The following CAPZB variants were observed in gnomAD, a reference collection of about 807,000 sequenced individuals.
The protein encoded by CAPZB is capping actin protein of muscle Z-line subunit beta, also known as F-actin-capping protein subunit beta.
In CAPZB, 2 loss-of-function variants were observed where a neutral mutation model predicts 38.1. The observed-to-expected ratio is 0.05, with a 90% CI of 0.02 to 0.17. CAPZB has a LOEUF of 0.17. Among genes scored for constraint, CAPZB ranks in the 10% least tolerant of loss-of-function variants. CAPZB has a pLI of 1.00. For synonymous variants in CAPZB, 107 were observed against 127.4 expected, an observed-to-expected ratio of 0.84 and a Z score of 1.08; for missense variants, 161 against 334.2, an observed-to-expected ratio of 0.48 and a Z score of 4.04.
chr1:19,383,116 C>CAAAAAA (rs34245294), intron 3 of CAPZB, among the ~76,000 whole-genome samples: 1 of 128,260 alleles, frequency 7.8e-6, no homozygotes, highest in Admixed American at 7.9e-5. Flanking sequence ...CCCATCTCTA[C>CAAAAAA]AAAAAAAAAA....
rs533972191 is a variant in CAPZB, at chr1:19,389,737, T to C, written c.94-4111A>G. 9.2e-5 allele frequency among the ~76,000 whole-genome samples: 14 copies of C among 152,304 alleles called. No individual in the cohort carries two copies. The South Asian group carries it at 2.7e-3, about 29-fold the overall frequency. On this transcript the variant is annotated intron_variant, in intron 2 of 8. Coordinates refer to ENST00000264202, the MANE Select transcript of CAPZB (RefSeq NM_004930.5). ...CACTGCGCCTGGCCAGGCCATGTATTTTTATTTGCTAAATCTGACAGCCAA... is the reference window on the plus strand; with the variant it reads ...CACTGCGCCTGGCCAGGCCATGTATCTTTATTTGCTAAATCTGACAGCCAA...
intron 1 of CAPZB, among the ~76,000 whole-genome samples, chr1:19,458,132 AGTG>A (rs2094539029): frequency 6.6e-6 from 1 of 150,880 alleles, no homozygotes. Flanking sequence ...AACTGGTGCA[AGTG>A]ACTTTTTTCC....
chr1:19,482,572 G>A (rs6703356), intron 1 of CAPZB, among the ~76,000 whole-genome samples: 58,213 of 152,112 alleles, frequency 0.38, 11,411 homozygotes, highest in Middle Eastern at 0.48. Context: ...ACAGCACTCA[G>A]ACAGTGGTAA....
At chr1:19,342,756 A>G in intron 8 of CAPZB, 1 of 1,603,974 alleles carries the variant, frequency 6.2e-7, no homozygotes, top group Non-Finnish European at 8.5e-7. Context: ...GGGTACCTGG[A>G]TCGGCTTAAT....
In CAPZB at chr1:19,356,861, C is replaced by T. The variant is rs1268554454; in HGVS notation, c.472-110G>A. On this transcript the variant is annotated intron_variant, in intron 5 of 8. Transcript: ENST00000264202. The surrounding 1 kb of genome is among the most constrained non-coding windows in gnomAD (Gnocchi z 4.3). ...TCCTAGGTCATTATCACAATATTAC[C>T]TTTTTTTTTTTTAAATTGGAGACAA... is the stretch of plus-strand genomic sequence containing the variant. 4 of 589,280 alleles carry T rather than the reference C, an allele frequency of 6.8e-6. No homozygotes were observed. The highest frequency in any genetic ancestry group is 3.1e-5 in the East Asian group (1 of 32,416). The allele number at this position is 589,280 out of a possible 1,614,324, so 36.5% of individuals were successfully genotyped here.
chr1:19,480,536 A>T (rs2094624466), intron 1 of CAPZB, among the ~76,000 whole-genome samples: 1 of 152,154 alleles, frequency 6.6e-6, no homozygotes, highest in Admixed American at 6.5e-5. Context: ...CGGCCAGTGC[A>T]AGGTGTGGGG....
At position 19,479,959 on chromosome 1, in the gene CAPZB, C is replaced by G. The variant is rs181586245; in HGVS notation, c.3+5477G>C. ...TTGTGCCAGTCCCCTTGACCATACC[C>G]CACCCTGTCCTCTCTGCCTGAGCAC... is the stretch of plus-strand genomic sequence containing the variant. On this transcript the variant is annotated intron_variant, in intron 1 of 8. Transcript: ENST00000264202. 2.4e-4 allele frequency among the ~76,000 whole-genome samples: 36 copies of G among 152,264 alleles called. No homozygotes were observed. In the East Asian group the frequency reaches 7.0e-3, roughly 29 times the overall value.
At chr1:19,468,930 C>T (rs996849297) in intron 1 of CAPZB, among the ~76,000 whole-genome samples, 49 of 152,320 alleles carry the variant, frequency 3.2e-4, no homozygotes, top group African/African-American at 1.0e-3. Flanking sequence ...CTTCAATGTA[C>T]GGCTGCACTC....
chr1:19,446,286 A>G (rs767474412), intron 1 of CAPZB, among the ~76,000 whole-genome samples: 50 of 151,832 alleles, frequency 3.3e-4, no homozygotes, highest in Non-Finnish European at 5.3e-4. Context: ...TTCAACAGAA[A>G]CTTGAAAACC....
chr1:19,381,024 C>G (rs2094171573), intron 3 of CAPZB, among the ~76,000 whole-genome samples: 1 of 152,040 alleles, frequency 6.6e-6, no homozygotes, highest in Admixed American at 6.6e-5. Flanking sequence ...AAAAAATTAG[C>G]TGGGTGTGGT....
At chr1:19,418,935 G>C (rs561832077) in intron 2 of CAPZB, among the ~76,000 whole-genome samples, 1 of 152,362 alleles carries the variant, frequency 6.6e-6, no homozygotes, top group Non-Finnish European at 1.5e-5. Flanking sequence ...CAGACTCAGG[G>C]ACTCACGTTC....
chr1:19,474,616 C>T (rs1002845210), intron 1 of CAPZB, among the ~76,000 whole-genome samples: 1 of 152,284 alleles, frequency 6.6e-6, no homozygotes, highest in East Asian at 1.9e-4. Context: ...AGCAGGGCAG[C>T]TTGTAAGTAC....
chr1:19,348,466 G>C lies in CAPZB; in HGVS notation c.589-3214C>G, dbSNP rs114223867. 7.1e-3 allele frequency among the ~76,000 whole-genome samples: 1,086 copies of C among 152,180 alleles called. 16 individuals are homozygous for C. Among genetic ancestry groups the C allele is most frequent in the African/African-American group, 0.023 (975 of 41,522 alleles). On this transcript the variant is annotated intron_variant, in intron 6 of 8. Coordinates refer to ENST00000264202, the MANE Select transcript of CAPZB (RefSeq NM_004930.5). ...TGAACACCCTGACACCAAGAAATGG[G>C]AGAGAACTAGGGCTATCCAGGCCTG... is the stretch of plus-strand genomic sequence containing the variant.
At chr1:19,395,466 A>AC (rs2094262119) in intron 2 of CAPZB, among the ~76,000 whole-genome samples, 2 of 152,116 alleles carry the variant, frequency 1.3e-5, no homozygotes, top group South Asian at 4.1e-4. Context: ...CATACTCCAA[A>AC]CCCCAAAGCT....
intron 2 of CAPZB, among the ~76,000 whole-genome samples, chr1:19,409,338 C>T (rs1421858422): frequency 6.6e-6 from 1 of 152,014 alleles, no homozygotes; most frequent in African/African-American, 2.4e-5. Flanking sequence ...GTGCAGGTCA[C>T]AGTCCAACAA....
At chr1:19,392,125 G>A (rs1014082445) in intron 2 of CAPZB, among the ~76,000 whole-genome samples, 22 of 151,944 alleles carry the variant, frequency 1.4e-4, no homozygotes, top group Non-Finnish European at 2.1e-4. Flanking sequence ...AGAGGTTGCC[G>A]TGAGCCAAGA....
At position 19,339,325 on chromosome 1, in the gene CAPZB, G is replaced by C; in HGVS notation, c.*205C>G. 2 of 617,996 alleles carry C rather than the reference G, an allele frequency of 3.2e-6. No individual in the cohort carries two copies. The highest frequency in any genetic ancestry group is 2.9e-6 in the Non-Finnish European group (1 of 346,334). The allele number at this position is 617,996 out of a possible 1,614,324, so 38.3% of individuals were successfully genotyped here. On this transcript the variant is annotated 3_prime_UTR_variant, in exon 9 of 9. Coordinates refer to ENST00000264202, the MANE Select transcript of CAPZB (RefSeq NM_004930.5). Reference sequence around the variant, plus strand: ...TGGAAATGTGGAGAGAACTGAGAGCGAGGTGTGGCAGAAGCAGGCTCGGAG... The same window carrying C: ...TGGAAATGTGGAGAGAACTGAGAGCCAGGTGTGGCAGAAGCAGGCTCGGAG...
intron 6 of CAPZB, among the ~76,000 whole-genome samples, chr1:19,346,011 G>A (rs1308041760): frequency 1.3e-5 from 2 of 152,234 alleles, no homozygotes; most frequent in Non-Finnish European, 2.9e-5. Context: ...TCGGAGGAGG[G>A]AGGAAATGGA....
chr1:19,398,524 G>C (rs1005443659), intron 2 of CAPZB, among the ~76,000 whole-genome samples: 2 of 152,180 alleles, frequency 1.3e-5, no homozygotes, highest in South Asian at 2.1e-4. Context: ...GTGTCTGAGT[G>C]GGGGAGCGGG....
Sources: gnomAD v4.1 joint callset for allele counts (sites outside exome capture counted in the v4.1 genomes callset) on GRCh38, gnomAD v4.1.1 for gene constraint, Gnocchi (gnomAD v3.1) non-coding constraint, MANE v1.5 for transcripts, NCBI Gene and HGNC (gene_info 2026-07-23, HGNC 2026-07-21) for gene names.